The following RALYL variants were observed in gnomAD, a reference collection of about 807,000 sequenced individuals.
RALYL encodes the protein RNA-binding Raly-like protein.
A neutral mutation model predicts 35.1 loss-of-function variants in RALYL; 29 were observed. The ratio of observed to expected loss-of-function variants is 0.83; its 90% CI spans 0.61 to 1.13. The LOEUF is 1.13. RALYL is among the 50% of genes most tolerant of loss of function. RALYL has a pLI of 0.00. For synonymous variants in RALYL, 120 were observed against 127.6 expected (o/e 0.94, Z 0.40); for missense variants, 359 against 360.4 (o/e 1.00, Z 0.03).
In RALYL at chr8:84,449,142, T is replaced by C. The variant is rs527611250; in HGVS notation, c.-23-80157T>C. ...GATCTCCTCTCAGGACATTAAAAAA[T>C]AAGTCCTTAAAAAACATAAGTTTGG... On this transcript the variant is annotated intron_variant, in intron 1 of 8. Transcript: ENST00000521268. 4.7e-5 allele frequency among the ~76,000 whole-genome samples: 7 copies of C among 149,582 alleles called. No homozygotes were observed. In the South Asian group the frequency reaches 6.3e-4, roughly 13 times the overall value.
chr8:84,706,110 A>C lies in RALYL; in HGVS notation c.257-68469A>C, dbSNP rs750377582. 27 of 1,501,606 alleles carry C rather than the reference A, an allele frequency of 1.8e-5. No individual in the cohort carries two copies. In the African/African-American group the frequency reaches 2.5e-4, roughly 14 times the overall value. 93.0% of individuals were successfully genotyped at this position (1,501,606 alleles called of 1,614,324 possible). On this transcript the variant is annotated intron_variant, in intron 2 of 8. Transcript: ENST00000521268. The stretch of plus-strand genomic sequence containing the variant: ...TTCATATCACTGGGGTAGGGAAAAC[A>C]TACTTGATTTCTTAAAAGACTAATC...
At chr8:84,856,854 C>T (rs1837103355) in intron 5 of RALYL, among the ~76,000 whole-genome samples, 1 of 150,424 alleles carries the variant, frequency 6.6e-6, no homozygotes, top group Non-Finnish European at 1.5e-5. Context: ...AGGTGAAACC[C>T]CGTCTCTACT....
chr8:84,438,397 TA>T (rs2047966977), intron 1 of RALYL, among the ~76,000 whole-genome samples: 1 of 152,034 alleles, frequency 6.6e-6, no homozygotes, highest in South Asian at 2.1e-4. Flanking sequence ...TTTATTTATT[TA>T]TTTATTTAGA....
At chr8:84,631,786 A>G (rs1453357151) in intron 2 of RALYL, among the ~76,000 whole-genome samples, 1 of 151,986 alleles carries the variant, frequency 6.6e-6, no homozygotes, top group African/African-American at 2.4e-5. Flanking sequence ...TGATGGCATT[A>G]GGACTTACAT....
intron 1 of RALYL, among the ~76,000 whole-genome samples, chr8:84,377,878 A>G (rs1190886425): frequency 6.6e-6 from 1 of 151,880 alleles, no homozygotes; most frequent in African/African-American, 2.4e-5. Flanking sequence ...ATAATTATCA[A>G]TATTAATAGA....
At chr8:84,468,061 G>C (rs1231315639) in intron 1 of RALYL, among the ~76,000 whole-genome samples, 1 of 150,110 alleles carries the variant, frequency 6.7e-6, no homozygotes, top group Admixed American at 6.7e-5. Context: ...TGGGTTTCCT[G>C]AATACAGCAC....
At chr8:84,562,693 T>C (rs2061541954) in intron 2 of RALYL, among the ~76,000 whole-genome samples, 2 of 151,856 alleles carry the variant, frequency 1.3e-5, no homozygotes, top group South Asian at 4.1e-4. Context: ...CTATACAAAA[T>C]GTGGTCTGCA....
chr8:84,283,159 T>TGTTATGTATAAATGTTGA (rs1836937492), intron 1 of RALYL, among the ~76,000 whole-genome samples: 1 of 151,428 alleles, frequency 6.6e-6, no homozygotes, highest in African/African-American at 2.4e-5. Context: ...GTATAAGAGT[T>TGTTATGTATAAATGTTGA]GTTATGTATA....
chr8:84,371,560 C>CAG (rs1855708268), intron 1 of RALYL, among the ~76,000 whole-genome samples: 1 of 149,358 alleles, frequency 6.7e-6, no homozygotes, highest in African/African-American at 2.6e-5. Context: ...CACACACACA[C>CAG]ACACACACAC....
At chr8:84,868,056 T>A (rs1254566387) in intron 6 of RALYL, among the ~76,000 whole-genome samples, 1 of 152,100 alleles carries the variant, frequency 6.6e-6, no homozygotes, top group Non-Finnish European at 1.5e-5. Flanking sequence ...CTGTCACTAG[T>A]TATAGAGTCC....
At chr8:84,787,942 C>T (rs963494338) in intron 3 of RALYL, among the ~76,000 whole-genome samples, 1 of 152,100 alleles carries the variant, frequency 6.6e-6, no homozygotes, top group African/African-American at 2.4e-5. Flanking sequence ...GAGTAGATTG[C>T]AAAAATTTTC....
intron 1 of RALYL, among the ~76,000 whole-genome samples, chr8:84,491,443 ATGTT>A (rs1369359055): frequency 1.3e-5 from 2 of 152,012 alleles, no homozygotes; most frequent in African/African-American, 2.4e-5. Flanking sequence ...TAGGTAGTCA[ATGTT>A]TGTTTATTTC....
intron 1 of RALYL, among the ~76,000 whole-genome samples, chr8:84,242,338 A>G (rs1464246755): frequency 1.3e-5 from 2 of 152,182 alleles, no homozygotes; most frequent in Admixed American, 6.5e-5. Flanking sequence ...AATGATTTCT[A>G]TTCATTTGGG....
chr8:84,704,478 C>CA (rs1294205004), intron 2 of RALYL, among the ~76,000 whole-genome samples: 20 of 133,574 alleles, frequency 1.5e-4, no homozygotes, highest in African/African-American at 6.1e-4. Flanking sequence ...CACACACACA[C>CA]ACACAACAAC....
At chr8:84,685,342 T>C (rs1180064143) in intron 2 of RALYL, among the ~76,000 whole-genome samples, 1 of 152,106 alleles carries the variant, frequency 6.6e-6, no homozygotes, top group Non-Finnish European at 1.5e-5. Flanking sequence ...ATCAACTCTA[T>C]GCCACCAGGT....
chr8:84,239,513 C>G lies in RALYL; in HGVS notation c.-24+55089C>G, dbSNP rs374978935. Reference sequence around the variant, plus strand: ...ATTATCACAGTAGTTACCTCATTTCCATTGTACAGATGAGGAAACTGAGAC... The same window carrying G: ...ATTATCACAGTAGTTACCTCATTTCGATTGTACAGATGAGGAAACTGAGAC... On this transcript the variant is annotated intron_variant, in intron 1 of 8. Transcript: ENST00000521268. Among the ~76,000 whole-genome samples the G allele has an allele frequency of 3.5e-4, 54 of 152,250 alleles. No individual in the cohort carries two copies. The South Asian group carries it at 5.0e-3, about 14-fold the overall frequency.
At chr8:84,507,662 G>T (rs911737331) in intron 1 of RALYL, among the ~76,000 whole-genome samples, 3 of 152,160 alleles carry the variant, frequency 2.0e-5, no homozygotes, top group Admixed American at 1.3e-4. Flanking sequence ...GCTAACAGAG[G>T]TTTATTTTTC....
intron 1 of RALYL, among the ~76,000 whole-genome samples, chr8:84,195,171 G>A (rs1040055364): frequency 2.6e-5 from 4 of 152,038 alleles, no homozygotes; most frequent in African/African-American, 9.7e-5. Context: ...TAATGGGTGA[G>A]AATTTCAACA....
intron 1 of RALYL, among the ~76,000 whole-genome samples, chr8:84,202,340 A>G (rs1175745298): frequency 1.3e-5 from 2 of 150,348 alleles, no homozygotes; most frequent in African/African-American, 2.4e-5. Flanking sequence ...AAAATCATGT[A>G]TAAGTATTAT....
Sources: gnomAD v4.1 joint callset for allele counts (sites outside exome capture counted in the v4.1 genomes callset) on GRCh38, gnomAD v4.1.1 for gene constraint, MANE v1.5 for transcripts, NCBI Gene and HGNC (gene_info 2026-07-23, HGNC 2026-07-21) for gene names.